The following WDPCP variants were observed in gnomAD, a reference collection of about 807,000 sequenced individuals.
WDPCP encodes the protein WD repeat-containing and planar cell polarity effector protein fritz homolog.
WDPCP carries 71 observed loss-of-function variants against 93.1 expected under a neutral mutation model. The ratio of observed to expected loss-of-function variants is 0.76; its 90% CI spans 0.63 to 0.93. The LOEUF (loss-of-function observed/expected upper bound fraction) is 0.93. WDPCP is among the 40% of genes least tolerant of loss of function. WDPCP has a pLI of 0.00. For missense variants in WDPCP, 844 were observed against 887.4 expected, an observed-to-expected ratio of 0.95 and a Z score of 0.62; for synonymous variants, 315 against 315.0, an observed-to-expected ratio of 1.00 and a Z score of 0.00.
intron 1 of WDPCP, among the ~76,000 whole-genome samples, chr2:63,575,350 T>TACAC (rs1485309353): frequency 1.5e-5 from 2 of 129,442 alleles, no homozygotes; most frequent in African/African-American, 3.0e-5. Flanking sequence ...ATACTGTATA[T>TACAC]GGTATATACA....
chr2:63,540,193 T>G lies in WDPCP; in HGVS notation c.76-47253A>C, dbSNP rs538023534. 5.2e-4 allele frequency among the ~76,000 whole-genome samples: 79 copies of G among 152,300 alleles called. 2 individuals are homozygous for G. The South Asian group carries it at 8.1e-3, about 16-fold the overall frequency. Reference sequence around the variant, plus strand: ...ATTATTTTTATAAACAATAGACAAATATTTATTTGGCCTCAATATTCTTCT... The same window carrying G: ...ATTATTTTTATAAACAATAGACAAAGATTTATTTGGCCTCAATATTCTTCT... On this transcript the variant is annotated intron_variant, in intron 1 of 17. Coordinates refer to ENST00000272321, the MANE Select transcript of WDPCP (RefSeq NM_015910.7).
At chr2:63,176,937 G>A (rs917650801) in intron 14 of WDPCP, among the ~76,000 whole-genome samples, 1 of 152,116 alleles carries the variant, frequency 6.6e-6, no homozygotes, top group Admixed American at 6.5e-5. Context: ...ATTTTTGTTT[G>A]TGGTGTAACA....
chr2:63,132,334 T>C (rs984295360), intron 17 of WDPCP, among the ~76,000 whole-genome samples: 6 of 151,916 alleles, frequency 3.9e-5, no homozygotes, highest in Non-Finnish European at 7.4e-5. Flanking sequence ...TTTGGGTTTA[T>C]TATACTTAGA....
chr2:63,476,707 T>C (rs1024211334), intron 6 of WDPCP, among the ~76,000 whole-genome samples: 10 of 152,180 alleles, frequency 6.6e-5, no homozygotes, highest in Admixed American at 2.0e-4. Flanking sequence ...TTTGTATAAA[T>C]AATAAGCTAT....
chr2:63,193,857 T>G (rs1379885346), intron 14 of WDPCP, among the ~76,000 whole-genome samples: 1 of 152,168 alleles, frequency 6.6e-6, no homozygotes, highest in Admixed American at 6.5e-5. Context: ...AAAGTTTATA[T>G]GTACGTGAAG....
In WDPCP at chr2:63,372,320, C is replaced by T. The variant is rs116385798; in HGVS notation, c.1748+6066G>A. Among the ~76,000 whole-genome samples the T allele has an allele frequency of 5.1e-3, 776 of 152,286 alleles. 9 individuals carry two copies. Among genetic ancestry groups the T allele is most frequent in the African/African-American group, 0.017 (716 of 41,560 alleles). On this transcript the variant is annotated intron_variant, in intron 12 of 17. Coordinates refer to ENST00000272321, the MANE Select transcript of WDPCP (RefSeq NM_015910.7). ...ACCTCCTACCAAGCCCCACCTCCAA[C>T]ACTGGGGATTACATTTCAACATGAG...
rs542464593 is a variant in WDPCP, at chr2:63,355,593, A to G, written c.1748+22793T>C. Among the ~76,000 whole-genome samples, 7 of 152,320 alleles carry G rather than the reference A, an allele frequency of 4.6e-5. No homozygotes were observed. The East Asian group carries it at 1.4e-3, about 29-fold the overall frequency. ...AGCACAATGACAGGATCAAACCCAC[A>G]TATCAGCCAGGCACGGTGGCTCATG... On this transcript the variant is annotated intron_variant, in intron 12 of 17. Transcript: ENST00000272321.
intron 3 of WDPCP, chr2:63,604,698 T>C (rs201112064): frequency 3.1e-6 from 5 of 1,612,214 alleles, no homozygotes; most frequent in Non-Finnish European, 4.2e-6. Context: ...TTAACTAGAT[T>C]GCTCTTAAAC....
At chr2:63,457,921 C>G (rs1698740954) in intron 6 of WDPCP, among the ~76,000 whole-genome samples, 1 of 151,986 alleles carries the variant, frequency 6.6e-6, no homozygotes, top group Non-Finnish European at 1.5e-5. Flanking sequence ...GTCAAGAGAT[C>G]AAGACCATCT....
intron 1 of WDPCP, among the ~76,000 whole-genome samples, chr2:63,514,389 G>A (rs1702424091): frequency 6.6e-6 from 1 of 152,116 alleles, no homozygotes; most frequent in Non-Finnish European, 1.5e-5. Flanking sequence ...ATGTCTTGGT[G>A]AGCATCCCTT....
At chr2:63,675,070 A>G (rs1710388743) in intron 2 of WDPCP, among the ~76,000 whole-genome samples, 1 of 152,030 alleles carries the variant, frequency 6.6e-6, no homozygotes, top group African/African-American at 2.4e-5. Flanking sequence ...GTTCCTTTTG[A>G]ACCCCACCCC....
chr2:63,668,376 A>G (rs1054926021), intron 2 of WDPCP, among the ~76,000 whole-genome samples: 1 of 152,234 alleles, frequency 6.6e-6, no homozygotes, highest in South Asian at 2.1e-4. Flanking sequence ...TACAATAACC[A>G]GCAGGAAAGT....
chr2:63,159,463 CATT>C (rs988243059), intron 15 of WDPCP, among the ~76,000 whole-genome samples: 3 of 152,108 alleles, frequency 2.0e-5, no homozygotes, highest in Non-Finnish European at 2.9e-5. Flanking sequence ...GTCATCTCAG[CATT>C]ATTGTCTTTT....
At chr2:63,318,647 G>C (rs1243495596) in intron 12 of WDPCP, among the ~76,000 whole-genome samples, 2 of 152,302 alleles carry the variant, frequency 1.3e-5, no homozygotes, top group South Asian at 2.1e-4. Flanking sequence ...ACTATCCTAA[G>C]AGAATTAATA....
At chr2:63,672,512 A>C (rs1340579757) in intron 2 of WDPCP, among the ~76,000 whole-genome samples, 2 of 152,170 alleles carry the variant, frequency 1.3e-5, no homozygotes, top group Non-Finnish European at 2.9e-5. Flanking sequence ...TAAATGTCTA[A>C]ACAAGAAGAC....
chr2:63,531,452 C>A (rs191103672), intron 1 of WDPCP, among the ~76,000 whole-genome samples: 53 of 152,292 alleles, frequency 3.5e-4, no homozygotes, highest in African/African-American at 1.2e-3. Flanking sequence ...GGCTGACAGA[C>A]ACCTCATACA....
Position 63,588,209 on chromosome 2 carries a change from T to C in WDPCP, c.63A>G (p.Pro21=), listed in dbSNP as rs373664805. Residue 21 remains proline, a synonymous_variant, in exon 1 of 18, where the codon CCA becomes CCG. Coordinates refer to ENST00000272321, the MANE Select transcript of WDPCP (RefSeq NM_015910.7). ...GGCCAGGGCTCACCTGTCTCGGGAG[T>C]GGGGAAGAAGCGCGACTCCCGGCCG... ...SKAAGSRASS[P]LPRQDRDSFC... 30 of 1,569,998 alleles carry C rather than the reference T, an allele frequency of 1.9e-5. No individual in the cohort carries two copies. Among genetic ancestry groups the C allele is most frequent in the African/African-American group, 2.7e-5 (2 of 73,378 alleles).
intron 14 of WDPCP, chr2:63,232,438 T>G (rs1403483876): frequency 3.9e-5 from 6 of 152,246 alleles, no homozygotes; most frequent in Admixed American, 6.6e-5. Context: ...CCTTCTAAGT[T>G]TAGACACAGA....
chr2:63,447,086 A>C (rs961945526), intron 6 of WDPCP, among the ~76,000 whole-genome samples: 3 of 152,182 alleles, frequency 2.0e-5, no homozygotes, highest in Non-Finnish European at 2.9e-5. Flanking sequence ...TTTTTTCCCA[A>C]CTGCATGATA....
Sources: allele counts gnomAD v4.1 joint callset (sites outside exome capture counted in the v4.1 genomes callset), GRCh38; gene constraint gnomAD v4.1.1; transcripts MANE v1.5; gene names NCBI Gene and HGNC (gene_info 2026-07-23, HGNC 2026-07-21).